THSD4: variants seen among roughly 807,000 people sequenced by gnomAD.
THSD4 encodes the protein thrombospondin type-1 domain-containing protein 4.
THSD4 carries 69 observed loss-of-function variants against 119.0 expected under a neutral mutation model. The ratio of observed to expected loss-of-function variants is 0.58; its 90% CI spans 0.48 to 0.71. The LOEUF is 0.71. Ranked by LOEUF, THSD4 falls within the 30% of genes least tolerant of loss-of-function variation. The pLI is 0.00. For synonymous variants in THSD4, 524 were observed against 540.4 expected, an observed-to-expected ratio of 0.97 and a Z score of 0.42; for missense variants, 1,393 against 1,391.1, an observed-to-expected ratio of 1.00 and a Z score of -0.02.
At chr15:71,352,694 A>G (rs1181688529) in intron 6 of THSD4, among the ~76,000 whole-genome samples, 5 of 152,228 alleles carry the variant, frequency 3.3e-5, no homozygotes, top group Admixed American at 1.3e-4. Flanking sequence ...GCTCAGAGAT[A>G]CCAGGGGAAA....
At chr15:71,434,301 A>C (rs2046978583) in intron 7 of THSD4, among the ~76,000 whole-genome samples, 1 of 152,212 alleles carries the variant, frequency 6.6e-6, no homozygotes, top group Non-Finnish European at 1.5e-5. Flanking sequence ...CACATTATGT[A>C]CACAGAAGCC....
At chr15:71,747,645 A>G (rs1419863754) in intron 13 of THSD4, among the ~76,000 whole-genome samples, 1 of 152,220 alleles carries the variant, frequency 6.6e-6, no homozygotes, top group Non-Finnish European at 1.5e-5. Context: ...CTGGCTACAG[A>G]TGACGACATA....
At chr15:71,164,804 T>C in intron 3 of THSD4, 1 of 1,583,662 alleles carries the variant, frequency 6.3e-7, no homozygotes, top group Non-Finnish European at 8.6e-7. Flanking sequence ...TTCATCTTCA[T>C]CTTCTTCATC....
At chr15:71,719,731 G>A (rs539837586) in intron 8 of THSD4, among the ~76,000 whole-genome samples, 3 of 152,202 alleles carry the variant, frequency 2.0e-5, no homozygotes, top group African/African-American at 7.2e-5. Flanking sequence ...GCTGGAGTAC[G>A]GTGGCACGAT....
intron 8 of THSD4, among the ~76,000 whole-genome samples, chr15:71,711,447 A>T (rs541150928): frequency 2.0e-4 from 30 of 152,278 alleles, no homozygotes; most frequent in Middle Eastern, 3.4e-3. Context: ...TAGTTCAAAG[A>T]GATATGACCA....
At chr15:71,466,710 G>T (rs992442880) in intron 7 of THSD4, among the ~76,000 whole-genome samples, 4 of 152,244 alleles carry the variant, frequency 2.6e-5, no homozygotes, top group Non-Finnish European at 5.9e-5. Context: ...TCTCTCATCC[G>T]ATTTCTGAAT....
At chr15:71,506,278 T>C (rs553562049) in intron 7 of THSD4, among the ~76,000 whole-genome samples, 3 of 152,292 alleles carry the variant, frequency 2.0e-5, no homozygotes, top group South Asian at 4.1e-4. Flanking sequence ...ATTTAGGTTG[T>C]GCACCATGAT....
intron 6 of THSD4, among the ~76,000 whole-genome samples, chr15:71,281,421 A>G (rs2044651213): frequency 1.3e-5 from 2 of 152,248 alleles, no homozygotes; most frequent in Admixed American, 6.5e-5. Flanking sequence ...TTCAAGCGAA[A>G]GCTGGGAGCC....
chr15:71,289,855 A>G (rs1022071778), intron 6 of THSD4, among the ~76,000 whole-genome samples: 3 of 151,788 alleles, frequency 2.0e-5, no homozygotes, highest in African/African-American at 7.3e-5. Flanking sequence ...TTGCCATTTC[A>G]TCTCCTGCTT....
intron 7 of THSD4, among the ~76,000 whole-genome samples, chr15:71,535,601 T>C (rs1487712192): frequency 6.6e-6 from 1 of 152,238 alleles, no homozygotes; most frequent in Non-Finnish European, 1.5e-5. Flanking sequence ...ATGTAAGATT[T>C]CCAGCTTATC....
At chr15:71,621,407 T>A (rs1435298298) in intron 7 of THSD4, among the ~76,000 whole-genome samples, 2 of 152,188 alleles carry the variant, frequency 1.3e-5, no homozygotes, top group African/African-American at 4.8e-5. Context: ...TAAAGGTCCC[T>A]TTCAACCCTG....
At chr15:71,574,913 C>T (rs2049421758) in intron 7 of THSD4, among the ~76,000 whole-genome samples, 1 of 152,132 alleles carries the variant, frequency 6.6e-6, no homozygotes. Context: ...TATGTTCTGA[C>T]CAAGCAGGAC....
chr15:71,369,844 C>T (rs543168631), intron 6 of THSD4, among the ~76,000 whole-genome samples: 1 of 152,146 alleles, frequency 6.6e-6, no homozygotes. Flanking sequence ...GGAATAGTTT[C>T]AGAAGGAATG....
At chr15:71,261,879 A>T (rs939009845) in intron 6 of THSD4, among the ~76,000 whole-genome samples, 2 of 152,180 alleles carry the variant, frequency 1.3e-5, no homozygotes, top group Admixed American at 1.3e-4. Context: ...AGGAGAGAGG[A>T]AGCCTATGGT....
At chr15:71,154,756 G>T in intron 2 of THSD4, 107 bp from the exon 3 acceptor site, 3 of 1,104,244 alleles carry the variant, frequency 2.7e-6, no homozygotes, top group Non-Finnish European at 4.1e-6. Context: ...GGCCTGGGTT[G>T]GGCTGTTCCC....
At chr15:71,351,869 A>T (rs1478377121) in intron 6 of THSD4, among the ~76,000 whole-genome samples, 2 of 152,212 alleles carry the variant, frequency 1.3e-5, no homozygotes, top group Non-Finnish European at 2.9e-5. Context: ...TCAGAAGTCA[A>T]TTACCAAATA....
intron 4 of THSD4, among the ~76,000 whole-genome samples, chr15:71,238,971 A>G (rs1031307840): frequency 7.9e-5 from 12 of 152,318 alleles, no homozygotes; most frequent in Non-Finnish European, 5.9e-5. Context: ...TTTTTTGAGT[A>G]TAGCCATCCT....
At chr15:71,415,544 A>T (rs2046748271) in intron 7 of THSD4, among the ~76,000 whole-genome samples, 1 of 152,164 alleles carries the variant, frequency 6.6e-6, no homozygotes, top group African/African-American at 2.4e-5. Context: ...CAAATGATCC[A>T]GTTATACTGA....
intron 7 of THSD4, among the ~76,000 whole-genome samples, chr15:71,561,169 T>G (rs2049110552): frequency 6.6e-6 from 1 of 151,722 alleles, no homozygotes; most frequent in Admixed American, 6.6e-5. Flanking sequence ...AGAGACGGAG[T>G]TTCACCGTGT....
Sources: allele counts gnomAD v4.1 joint callset (sites outside exome capture counted in the v4.1 genomes callset), GRCh38; gene constraint gnomAD v4.1.1; transcripts MANE v1.5; gene names NCBI Gene and HGNC (gene_info 2026-07-23, HGNC 2026-07-21).